Variants in KLHL14 observed in about 807,000 individuals in gnomAD.
The protein encoded by KLHL14 is kelch-like protein 14.
In KLHL14, 22 loss-of-function variants were observed where a neutral mutation model predicts 64.3. The observed-to-expected ratio is 0.34, with a 90% confidence interval of 0.24 to 0.49. The LOEUF is 0.49. Among genes scored for constraint, KLHL14 ranks in the 20% least tolerant of loss-of-function variants. The pLI is 0.99. For missense variants in KLHL14, 661 were observed against 789.0 expected (o/e 0.84, Z 1.94); for synonymous variants, 322 against 333.4 (o/e 0.97, Z 0.37).
In KLHL14 at chr18:32,716,624, G is replaced by A. The variant is rs535661223; in HGVS notation, c.1070-21072C>T. Among the ~76,000 whole-genome samples the A allele has an allele frequency of 3.9e-5, 6 of 152,172 alleles. No individual in the cohort carries two copies. The East Asian group carries it at 1.2e-3, about 29-fold the overall frequency. ...AGTAGAGATGGGGTTTTGCCATGTT[G>A]GCCAGGCTGGTCTCAAACTCCTGAC... On this transcript the variant is annotated intron_variant, in intron 3 of 8. Transcript: ENST00000359358.
chr18:32,726,598 A>T (rs7233023), intron 3 of KLHL14, among the ~76,000 whole-genome samples: 44,730 of 151,800 alleles, frequency 0.29, 6,859 homozygotes, highest in African/African-American at 0.37. Context: ...CACTCCAGCC[A>T]GGGTGACAGA....
chr18:32,771,978 G>T, intron 1 of KLHL14: 1 of 197,556 alleles, frequency 5.1e-6, no homozygotes, highest in South Asian at 9.3e-5. Context: ...CCCGCATCTA[G>T]GCAGAGGAGG....
At chr18:32,674,839 A>T (rs1273010632) in intron 8 of KLHL14, 42 bp from the exon 9 acceptor site, 1 of 768,816 alleles carries the variant, frequency 1.3e-6, no homozygotes, top group South Asian at 1.4e-5. Flanking sequence ...AGGAAGCTAG[A>T]GAAGTGCAAT....
At chr18:32,704,053 T>G (rs904496887) in intron 3 of KLHL14, among the ~76,000 whole-genome samples, 1 of 152,206 alleles carries the variant, frequency 6.6e-6, no homozygotes, top group Non-Finnish European at 1.5e-5. Flanking sequence ...TACTTTTTAT[T>G]GTTCCACAGC....
intron 3 of KLHL14, among the ~76,000 whole-genome samples, chr18:32,732,616 T>C (rs1023021540): frequency 2.0e-5 from 3 of 152,166 alleles, no homozygotes; most frequent in Admixed American, 6.5e-5. Context: ...ATGAAAATGG[T>C]GACATGTCAA....
chr18:32,747,592 T>C (rs1418466956), intron 2 of KLHL14, among the ~76,000 whole-genome samples: 1 of 152,172 alleles, frequency 6.6e-6, no homozygotes, highest in Non-Finnish European at 1.5e-5. Flanking sequence ...GTAATGCAAG[T>C]GATAGAGAGC....
Position 32,674,810 on chromosome 18 carries a change from A to G in KLHL14, c.1747-13T>C, listed in dbSNP as rs1423670075. The G allele has an allele frequency of 5.1e-6, 4 of 778,816 alleles. No homozygotes were observed. The highest frequency in any genetic ancestry group is 9.6e-6 in the Non-Finnish European group (4 of 416,742). 48.2% of individuals were successfully genotyped at this position (778,816 alleles called of 1,614,324 possible). ...ACTTGTAGGCCCCCTGTAATGACAG[A>G]GGAGGGAGCATTTAGAGAAGGAAGC... On this transcript the variant is annotated splice_polypyrimidine_tract_variant and intron_variant, in intron 8 of 8. Transcript: ENST00000359358.
intron 3 of KLHL14, among the ~76,000 whole-genome samples, chr18:32,740,147 G>A (rs548006566): frequency 2.3e-4 from 35 of 152,196 alleles, no homozygotes; most frequent in Admixed American, 1.0e-3. Context: ...TCCAAGCAGA[G>A]CGTTAATTCA....
intron 3 of KLHL14, among the ~76,000 whole-genome samples, chr18:32,730,682 CAT>C (rs1175490494): frequency 6.6e-6 from 1 of 152,154 alleles, no homozygotes; most frequent in African/African-American, 2.4e-5. Context: ...TGATTAAAAA[CAT>C]ATAATGAAAG....
chr18:32,761,170 C>T (rs967785220), intron 2 of KLHL14, among the ~76,000 whole-genome samples: 1 of 152,184 alleles, frequency 6.6e-6, no homozygotes, highest in Non-Finnish European at 1.5e-5. Context: ...CATTTTACTG[C>T]TGCAGGACTC....
chr18:32,759,159 T>A (rs2050300609), intron 2 of KLHL14, among the ~76,000 whole-genome samples: 1 of 152,184 alleles, frequency 6.6e-6, no homozygotes, highest in African/African-American at 2.4e-5. Flanking sequence ...TTTTCTAAAT[T>A]TTCTGATGGC....
chr18:32,754,314 T>TTTC (rs1461904032), intron 2 of KLHL14, among the ~76,000 whole-genome samples: 1 of 152,250 alleles, frequency 6.6e-6, no homozygotes, highest in Non-Finnish European at 1.5e-5. Context: ...TCCTGTCTTT[T>TTTC]TCTTTCTCCC....
chr18:32,710,139 C>T (rs959158782), intron 3 of KLHL14, among the ~76,000 whole-genome samples: 1 of 152,140 alleles, frequency 6.6e-6, no homozygotes, highest in Admixed American at 6.5e-5. Flanking sequence ...AATTGGATAA[C>T]TTATGTAAAG....
chr18:32,770,391 AG>A lies in KLHL14; in HGVS notation c.200del (p.Pro67LeufsTer50), dbSNP rs1407187421. ...YFRSLFSSHP[P>X]LGGGVGGQDG... ...CCTGGCCGCCGACCCCTCCCCCGAGAGGGGGGTGGCTGGAGAAGAGCGATCG... is the reference window on the plus strand; with the variant it reads ...CCTGGCCGCCGACCCCTCCCCCGAGAGGGGGTGGCTGGAGAAGAGCGATCG... On this transcript the variant is annotated frameshift_variant, in exon 2 of 9. Transcript: ENST00000359358. LOFTEE classifies it high-confidence loss of function. The surrounding 1 kb of genome is among the most constrained non-coding windows in gnomAD (Gnocchi z 6.7). 1.9e-6 allele frequency: 3 copies of A among 1,595,176 alleles called. No individual in the cohort carries two copies. Among genetic ancestry groups the A allele is most frequent in the Non-Finnish European group, 1.7e-6 (2 of 1,169,842 alleles).
intron 2 of KLHL14, among the ~76,000 whole-genome samples, chr18:32,753,574 T>C (rs1282451496): frequency 6.6e-6 from 1 of 152,160 alleles, no homozygotes; most frequent in Non-Finnish European, 1.5e-5. Flanking sequence ...GGGGCAGATA[T>C]AACAAAAAAG....
chr18:32,704,058 C>G (rs2049978714), intron 3 of KLHL14, among the ~76,000 whole-genome samples: 1 of 152,066 alleles, frequency 6.6e-6, no homozygotes, highest in African/African-American at 2.4e-5. Flanking sequence ...TTTATTGTTC[C>G]ACAGCCCAAA....
chr18:32,753,725 A>G (rs1049688681), intron 2 of KLHL14, among the ~76,000 whole-genome samples: 1 of 152,082 alleles, frequency 6.6e-6, no homozygotes, highest in Admixed American at 6.5e-5. Context: ...CCTTTGCTTC[A>G]TGAGGGACAA....
intron 3 of KLHL14, among the ~76,000 whole-genome samples, chr18:32,713,983 T>C (rs2050032676): frequency 2.6e-5 from 4 of 152,168 alleles, no homozygotes; most frequent in Non-Finnish European, 1.5e-5. Flanking sequence ...AATTTACATA[T>C]AAATAAACAT....
At chr18:32,725,465 A>G (rs1400875872) in intron 3 of KLHL14, among the ~76,000 whole-genome samples, 2 of 152,218 alleles carry the variant, frequency 1.3e-5, no homozygotes, top group African/African-American at 4.8e-5. Flanking sequence ...AGCTGGACAT[A>G]TCTTTGAAAG....
Sources: allele counts gnomAD v4.1 joint callset (sites outside exome capture counted in the v4.1 genomes callset), GRCh38; gene constraint gnomAD v4.1.1; non-coding constraint Gnocchi (gnomAD v3.1); transcripts MANE v1.5; gene names NCBI Gene and HGNC (gene_info 2026-07-23, HGNC 2026-07-21).